Variants in PARD3B observed in about 807,000 individuals in gnomAD.
PARD3B encodes par-3 family cell polarity regulator beta, also known as partitioning defective 3 homolog B.
In PARD3B, 103 loss-of-function variants were observed where a neutral mutation model predicts 130.2. The ratio of observed to expected loss-of-function variants is 0.79; its 90% confidence interval spans 0.67 to 0.93. The LOEUF (loss-of-function observed/expected upper bound fraction) is 0.93. PARD3B is among the 40% of genes least tolerant of loss of function. The pLI, the probability that PARD3B is intolerant of heterozygous loss-of-function variation, is 0.00. For missense variants in PARD3B, 1,609 were observed against 1,499.2 expected, an observed-to-expected ratio of 1.07 and a Z score of -1.21; for synonymous variants, 583 against 553.2, an observed-to-expected ratio of 1.05 and a Z score of -0.76.
intron 15 of PARD3B, among the ~76,000 whole-genome samples, chr2:205,221,160 T>C (rs2038217959): frequency 6.6e-6 from 1 of 152,200 alleles, no homozygotes; most frequent in Non-Finnish European, 1.5e-5. Context: ...AGTCAAGAGA[T>C]GTTACATCTG....
At chr2:205,523,985 A>ATGACT (rs1489612896) in intron 21 of PARD3B, among the ~76,000 whole-genome samples, 1 of 151,944 alleles carries the variant, frequency 6.6e-6, no homozygotes, top group East Asian at 1.9e-4. Context: ...TTTTACCTCA[A>ATGACT]TGACTTGACT....
In PARD3B at chr2:204,834,906, T is replaced by C. The variant is rs59055197; in HGVS notation, c.223-130246T>C. ...ATTCTAAGTACCCTGTTGATTGCAA[T>C]AGTGTGATGTGGTTGAAAAAGCACT... On this transcript the variant is annotated intron_variant, in intron 2 of 22. Coordinates refer to ENST00000406610, the MANE Select transcript of PARD3B (RefSeq NM_001302769.2). Among the ~76,000 whole-genome samples the C allele has an allele frequency of 6.4e-3, 980 of 152,338 alleles. 6 individuals carry two copies. Among genetic ancestry groups the C allele is most frequent in the African/African-American group, 0.022 (918 of 41,578 alleles).
chr2:205,453,755 AAAAG>A (rs1244137297), intron 20 of PARD3B, among the ~76,000 whole-genome samples: 33 of 152,316 alleles, frequency 2.2e-4, no homozygotes, highest in Admixed American at 1.3e-3. Flanking sequence ...ATATAAAGGA[AAAAG>A]AAAGAGCATT....
intron 5 of PARD3B, among the ~76,000 whole-genome samples, chr2:205,111,901 G>T (rs1703672318): frequency 6.6e-6 from 1 of 152,010 alleles, no homozygotes; most frequent in Non-Finnish European, 1.5e-5. Context: ...TTCCACAAAT[G>T]CCTAAAAATG....
At chr2:205,084,315 C>T (rs958234289) in intron 4 of PARD3B, among the ~76,000 whole-genome samples, 1 of 152,092 alleles carries the variant, frequency 6.6e-6, no homozygotes, top group African/African-American at 2.4e-5. Context: ...ATTGTTTCTT[C>T]ATTCCCTGAA....
intron 2 of PARD3B, among the ~76,000 whole-genome samples, chr2:204,872,527 A>G (rs1219008611): frequency 6.6e-6 from 1 of 152,108 alleles, no homozygotes; most frequent in Non-Finnish European, 1.5e-5. Flanking sequence ...TTATTGAGCT[A>G]GCTATGCGGT....
At chr2:204,877,159 C>T (rs941767434) in intron 2 of PARD3B, among the ~76,000 whole-genome samples, 4 of 151,998 alleles carry the variant, frequency 2.6e-5, no homozygotes, top group Admixed American at 6.6e-5. Context: ...AACCGAACAC[C>T]GCATGTTCTC....
At chr2:205,496,749 T>C (rs1456003052) in intron 20 of PARD3B, among the ~76,000 whole-genome samples, 1 of 148,802 alleles carries the variant, frequency 6.7e-6, no homozygotes, top group African/African-American at 2.5e-5. Flanking sequence ...CTCAGTACAA[T>C]TTTTTTTTTC....
At chr2:204,934,458 T>C (rs983535681) in intron 2 of PARD3B, among the ~76,000 whole-genome samples, 18 of 152,148 alleles carry the variant, frequency 1.2e-4, no homozygotes, top group African/African-American at 4.3e-4. Context: ...ACTGGTCTGG[T>C]TTTCAGATAT....
At chr2:205,161,662 A>G (rs532231713) in intron 11 of PARD3B, among the ~76,000 whole-genome samples, 1 of 152,316 alleles carries the variant, frequency 6.6e-6, no homozygotes, top group East Asian at 1.9e-4. Context: ...TTGAGAGGAT[A>G]CACATGTAAC....
rs2041134317 is a variant in PARD3B, at chr2:205,280,189, A to C, written c.2186-20341A>C. Among the ~76,000 whole-genome samples the C allele has an allele frequency of 6.6e-6, 1 of 152,216 alleles. No homozygotes were observed. Among genetic ancestry groups the C allele is most frequent in the African/African-American group, 2.4e-5 (1 of 41,456 alleles). On this transcript the variant is annotated intron_variant, in intron 16 of 22. Transcript: ENST00000406610. The surrounding 1 kb of genome is among the most constrained non-coding windows in gnomAD (Gnocchi z 4.7). ...GAAAAAAATTGCTTTAGGACAAAATAACAGTCACTACTCCTTTTTCCCGTG... is the reference window on the plus strand; with the variant it reads ...GAAAAAAATTGCTTTAGGACAAAATCACAGTCACTACTCCTTTTTCCCGTG...
chr2:205,298,621 T>TGG (rs1488166818), intron 16 of PARD3B, among the ~76,000 whole-genome samples: 1 of 152,222 alleles, frequency 6.6e-6, no homozygotes, highest in Non-Finnish European at 1.5e-5. Context: ...CTAGTGTTTA[T>TGG]TGTCATCCTG....
At chr2:204,636,487 T>TGC (rs1319584940) in intron 1 of PARD3B, among the ~76,000 whole-genome samples, 1 of 151,376 alleles carries the variant, frequency 6.6e-6, no homozygotes, top group Non-Finnish European at 1.5e-5. Context: ...TGTGTGTGTG[T>TGC]GTGCAGTTAT....
Position 205,405,445 on chromosome 2 carries a change from T to C in PARD3B, c.2741+4322T>C, listed in dbSNP as rs2046386559. 6.6e-6 allele frequency among the ~76,000 whole-genome samples: 1 copy of C among 152,150 alleles called. No homozygotes were observed. The highest frequency in any genetic ancestry group is 1.5e-5 in the Non-Finnish European group (1 of 68,036). On this transcript the variant is annotated intron_variant, in intron 19 of 22. Transcript: ENST00000406610. The surrounding 1 kb of genome is among the most constrained non-coding windows in gnomAD (Gnocchi z 4.1). The stretch of plus-strand genomic sequence containing the variant: ...TCTCCAGGCTTCACAAAGAGCAAGG[T>C]ACTCTCCTAGACATCAGAATTGCAT...
At chr2:205,385,014 T>G (rs904332647) in intron 18 of PARD3B, among the ~76,000 whole-genome samples, 11 of 152,056 alleles carry the variant, frequency 7.2e-5, no homozygotes, top group Non-Finnish European at 1.0e-4. Flanking sequence ...CATTAGAGCC[T>G]GTATAATAGG....
At chr2:204,828,627 T>C (rs2043683626) in intron 2 of PARD3B, among the ~76,000 whole-genome samples, 1 of 152,254 alleles carries the variant, frequency 6.6e-6, no homozygotes, top group Non-Finnish European at 1.5e-5. Flanking sequence ...TATTTCCATT[T>C]AGAAATACCA....
intron 2 of PARD3B, among the ~76,000 whole-genome samples, chr2:204,882,204 A>G (rs1025570818): frequency 3.3e-5 from 5 of 152,206 alleles, no homozygotes; most frequent in African/African-American, 1.2e-4. Context: ...TAAATTCCCC[A>G]TATTTAAAAA....
In PARD3B at chr2:204,820,794, T is replaced by C. The variant is rs889140336; in HGVS notation, c.222+134512T>C. 2.7e-5 allele frequency among the ~76,000 whole-genome samples: 4 copies of C among 148,412 alleles called. No individual in the cohort carries two copies. In the South Asian group the frequency reaches 6.6e-4, roughly 25 times the overall value. On this transcript the variant is annotated intron_variant, in intron 2 of 22. Transcript: ENST00000406610. ...TGGTGCCACTGCACTCCAGCCTGGG[T>C]GATAGAGTGAGACTCTTGTCTCAAA...
intron 20 of PARD3B, among the ~76,000 whole-genome samples, chr2:205,478,446 G>A (rs79758733): frequency 0.016 from 2,423 of 152,282 alleles, 59 homozygotes; most frequent in African/African-American, 0.055. Context: ...TCTGCTGGAT[G>A]GACTTCCTGG....
Sources: allele counts gnomAD v4.1 joint callset (sites outside exome capture counted in the v4.1 genomes callset), GRCh38; gene constraint gnomAD v4.1.1; non-coding constraint Gnocchi (gnomAD v3.1); transcripts MANE v1.5; gene names NCBI Gene and HGNC (gene_info 2026-07-23, HGNC 2026-07-21).